Variants in TJP1 observed in about 807,000 individuals in gnomAD.
TJP1 encodes tight junction protein 1.
TJP1 carries 43 observed loss-of-function variants against 194.2 expected under a neutral mutation model. That is an observed-to-expected ratio of 0.22 (90% CI 0.17 to 0.29). The LOEUF (loss-of-function observed/expected upper bound fraction) is 0.29. TJP1 is among the 10% of genes least tolerant of loss of function. The pLI is 1.00. For synonymous variants in TJP1, 801 were observed against 779.0 expected (o/e 1.03, Z -0.47); for missense variants, 1,971 against 2,185.7 (o/e 0.90, Z 1.96).
At chr15:29,861,858 A>T (rs745318797) in intron 2 of TJP1, among the ~76,000 whole-genome samples, 1 of 152,112 alleles carries the variant, frequency 6.6e-6, no homozygotes, top group African/African-American at 2.4e-5. Flanking sequence ...AGCTCATTGT[A>T]CCTATTTTTT....
intron 1 of TJP1, among the ~76,000 whole-genome samples, chr15:29,804,730 C>T (rs968991183): frequency 3.5e-4 from 54 of 152,138 alleles, no homozygotes; most frequent in African/African-American, 1.3e-3. Flanking sequence ...GGGATAACTG[C>T]ATAACTTGCA....
intron 2 of TJP1, among the ~76,000 whole-genome samples, chr15:29,858,638 G>A (rs1596121945): frequency 1.3e-5 from 2 of 151,838 alleles, no homozygotes; most frequent in African/African-American, 4.8e-5. Flanking sequence ...CAACCTCCCA[G>A]GCTCAATCAA....
intron 23 of TJP1, among the ~76,000 whole-genome samples, chr15:29,714,536 C>A (rs1209610219): frequency 7.3e-6 from 1 of 137,280 alleles, no homozygotes; most frequent in African/African-American, 2.8e-5. Flanking sequence ...CTGCGCCCAG[C>A]CTTTTTTTTT....
intron 1 of TJP1, among the ~76,000 whole-genome samples, chr15:29,808,431 T>C (rs1317723403): frequency 6.6e-6 from 1 of 152,226 alleles, no homozygotes; most frequent in Non-Finnish European, 1.5e-5. Flanking sequence ...AATAGGCATA[T>C]TCACTTTGAA....
At position 29,899,636 on chromosome 15, in the gene TJP1, C is replaced by T. The variant is rs536821743; in HGVS notation, c.306+56596G>A. On this transcript the variant is annotated intron_variant, in intron 2 of 28. Coordinates refer to the TJP1 transcript ENST00000356107. ...CATCTTCAGTAAAATGGAACAGCCACATCTACATCACTACAGGTTTGCTTG... is the reference window on the plus strand; with the variant it reads ...CATCTTCAGTAAAATGGAACAGCCATATCTACATCACTACAGGTTTGCTTG... Among the ~76,000 whole-genome samples the T allele has an allele frequency of 4.6e-5, 7 of 152,344 alleles. No individual in the cohort carries two copies. In the South Asian group the frequency reaches 1.5e-3, roughly 32 times the overall value.
intron 2 of TJP1, among the ~76,000 whole-genome samples, chr15:29,860,849 T>C (rs1237995047): frequency 6.6e-6 from 1 of 152,224 alleles, no homozygotes; most frequent in Non-Finnish European, 1.5e-5. Context: ...TCTAATGGCC[T>C]GTACTCACCT....
In TJP1 at chr15:29,949,486, C is replaced by G. The variant is rs1347166173; in HGVS notation, c.306+6746G>C. On this transcript the variant is annotated intron_variant, in intron 2 of 28. Transcript: ENST00000356107. ...CCACCACCACCACCTCCACAACCACCACCTCCACCTCCACAACCACCACCT... is the reference window on the plus strand; with the variant it reads ...CCACCACCACCACCTCCACAACCACGACCTCCACCTCCACAACCACCACCT... Among the ~76,000 whole-genome samples the G allele has an allele frequency of 3.4e-5, 5 of 146,286 alleles. No homozygotes were observed. In the East Asian group the frequency reaches 1.1e-3, roughly 31 times the overall value.
intron 15 of TJP1, chr15:29,730,596 G>GAA (rs767411082): frequency 6.7e-4 from 311 of 462,552 alleles, no homozygotes; most frequent in Middle Eastern, 1.8e-3. Flanking sequence ...CTCTGTCTCT[G>GAA]AAAAAAAAAA....
chr15:29,877,175 G>C (rs1308986612), intron 2 of TJP1, among the ~76,000 whole-genome samples: 1 of 152,190 alleles, frequency 6.6e-6, no homozygotes, highest in African/African-American at 2.4e-5. Context: ...AAAGATTTTA[G>C]AAAACTGGTT....
intron 2 of TJP1, among the ~76,000 whole-genome samples, chr15:29,924,361 A>G (rs547894992): frequency 6.6e-6 from 1 of 152,306 alleles, no homozygotes; most frequent in East Asian, 1.9e-4. Flanking sequence ...ATGAGCCACC[A>G]TGCTCAGCCA....
chr15:29,708,577 G>C lies in TJP1; in HGVS notation c.4832C>G (p.Pro1611Arg). The C allele has an allele frequency of 6.2e-7, 1 of 1,610,710 alleles. No individual in the cohort carries two copies. Among genetic ancestry groups the C allele is most frequent in the Non-Finnish European group, 8.5e-7 (1 of 1,177,070 alleles). The change falls in exon 25 of 28, where the codon CCT (proline) becomes CGT (arginine). Residue 1611 changes from proline (P) to arginine (R), a missense_variant. Pro to Arg is a moderately radical substitution (Grantham distance 103). Around this residue, in one of 5 missense-constraint regions of TJP1, gnomAD observed 1,108 missense variants for 1,128.5 expected, o/e 0.98. Coordinates refer to ENST00000614355, the MANE Select transcript of TJP1 (RefSeq NM_001330239.4). ...KYQINNISTV[P>R]KAIPVSPSAV... ...GTCTTACCTCACAGGAATAGCTTTA[G>C]GCACTGTGCTGATATTATTTATTTG... is the stretch of plus-strand genomic sequence containing the variant.
At chr15:29,864,332 A>G (rs1176055987) in intron 2 of TJP1, among the ~76,000 whole-genome samples, 1 of 148,694 alleles carries the variant, frequency 6.7e-6, no homozygotes, top group Non-Finnish European at 1.5e-5. Flanking sequence ...AATTGGGTGA[A>G]CCCGGGAGTC....
intron 23 of TJP1, 87 bp from the exon 24 acceptor site, chr15:29,711,087 T>C (rs778709282): frequency 5.8e-5 from 67 of 1,153,178 alleles, no homozygotes; most frequent in Admixed American, 3.2e-4. Context: ...ATCTCTAAGT[T>C]AAAAAAAAAA....
intron 2 of TJP1, among the ~76,000 whole-genome samples, chr15:29,946,335 A>G (rs963919722): frequency 3.3e-5 from 5 of 152,258 alleles, no homozygotes; most frequent in African/African-American, 1.2e-4. Context: ...CGTGGAGGCC[A>G]GGGCTAGTGG....
rs750462425 is a variant in TJP1 at position 29,761,231 on chromosome 15, C to A, written c.918G>T (p.Arg306Ser). The A allele has an allele frequency of 6.2e-7, 1 of 1,613,920 alleles. No homozygotes were observed. Among genetic ancestry groups the A allele is most frequent in the Non-Finnish European group, 8.5e-7 (1 of 1,179,972 alleles). ...ASDHSGRSHD[R>S]PPRRSRSRSP... ...ATCGTGACCGGCTGCGGCGGGGAGGCCTATCGTGTGATCGACCAGAATGAT... is the reference window on the plus strand; with the variant it reads ...ATCGTGACCGGCTGCGGCGGGGAGGACTATCGTGTGATCGACCAGAATGAT... Residue 306 changes from arginine (R) to serine (S), a missense_variant, in exon 8 of 28, where the codon AGG (arginine) becomes AGT (serine). Arg to Ser is a moderately radical substitution (Grantham distance 110). Transcript: ENST00000614355.
At chr15:29,899,365 C>A (rs927257612) in intron 2 of TJP1, among the ~76,000 whole-genome samples, 1 of 152,200 alleles carries the variant, frequency 6.6e-6, no homozygotes, top group Admixed American at 6.5e-5. Context: ...ATTTTCTATT[C>A]TGCTCTCAAT....
At chr15:29,727,865 C>G in intron 16 of TJP1, 72 bp downstream of exon 16, 3 of 1,321,602 alleles carry the variant, frequency 2.3e-6, no homozygotes, top group Non-Finnish European at 2.2e-6. Context: ...CTTCTACTTT[C>G]AAATTAACCA....
At chr15:29,890,816 A>T (rs1314332896) in intron 2 of TJP1, among the ~76,000 whole-genome samples, 1 of 149,776 alleles carries the variant, frequency 6.7e-6, no homozygotes, top group Admixed American at 6.6e-5. Flanking sequence ...AAAAAAAAAT[A>T]GAATCATCAG....
chr15:29,702,895 G>A (rs2041640901), intron 27 of TJP1, among the ~76,000 whole-genome samples: 2 of 151,950 alleles, frequency 1.3e-5, no homozygotes, highest in South Asian at 2.1e-4. Context: ...TCAAAGATTT[G>A]GAAGCTAGAC....
Sources: allele counts gnomAD v4.1 joint callset (sites outside exome capture counted in the v4.1 genomes callset), GRCh38; gene constraint gnomAD v4.1.1; regional missense constraint gnomAD v4.1.1; transcripts MANE v1.5; gene names NCBI Gene and HGNC (gene_info 2026-07-23, HGNC 2026-07-21).